Variants in EYS observed in about 807,000 individuals in gnomAD.
EYS encodes protein eyes shut homolog.
EYS carries 250 observed loss-of-function variants against 282.1 expected under a neutral mutation model. That is an observed-to-expected ratio of 0.89 (90% CI 0.80 to 0.98). The LOEUF is 0.98. Among genes scored for constraint, EYS ranks in the 50% least tolerant of loss-of-function variants. The pLI, the probability that EYS is intolerant of heterozygous loss-of-function variation, is 0.00. For synonymous variants in EYS, 1,355 were observed against 1,282.9 expected (o/e 1.06, Z -1.20); for missense variants, 4,016 against 3,709.0 (o/e 1.08, Z -2.15).
chr6:65,286,698 T>A (rs1768377012), intron 12 of EYS, among the ~76,000 whole-genome samples: 1 of 151,590 alleles, frequency 6.6e-6, no homozygotes, highest in Non-Finnish European at 1.5e-5. Context: ...AAACAAGCTA[T>A]CAAAATAAAG....
chr6:65,111,949 T>C (rs1271243101), intron 12 of EYS, among the ~76,000 whole-genome samples: 1 of 152,146 alleles, frequency 6.6e-6, no homozygotes, highest in Non-Finnish European at 1.5e-5. Context: ...AAAACCTTAC[T>C]CACTTTCAAC....
chr6:65,573,109 T>A (rs1226054356), intron 2 of EYS, among the ~76,000 whole-genome samples: 1 of 152,114 alleles, frequency 6.6e-6, no homozygotes, highest in East Asian at 1.9e-4. Context: ...GGGAGTGATG[T>A]CACAAAGATT....
At position 64,975,220 on chromosome 6, in the gene EYS, A is replaced by G. The variant is rs185295154; in HGVS notation, c.2259+22362T>C. Among the ~76,000 whole-genome samples the G allele has an allele frequency of 1.4e-4, 22 of 151,970 alleles. No homozygotes were observed. The East Asian group carries it at 4.1e-3, about 28-fold the overall frequency. On this transcript the variant is annotated intron_variant, in intron 14 of 42. Coordinates refer to ENST00000503581, the MANE Select transcript of EYS (RefSeq NM_001142800.2). ...TAGAAACTGCACCACTTATTGAATA[A>G]GATATAAAAACGATAATTTTGTTTT...
intron 5 of EYS, among the ~76,000 whole-genome samples, chr6:65,445,590 C>T (rs1000162863): frequency 6.6e-6 from 1 of 151,538 alleles, no homozygotes; most frequent in Admixed American, 6.6e-5. Flanking sequence ...AAAAAATTTA[C>T]CTGACAGCCA....
intron 2 of EYS, among the ~76,000 whole-genome samples, chr6:65,624,336 C>T (rs1397128418): frequency 2.0e-5 from 3 of 152,110 alleles, no homozygotes; most frequent in Admixed American, 1.3e-4. Context: ...AATATGTCAG[C>T]TTACATGCTA....
intron 30 of EYS, among the ~76,000 whole-genome samples, chr6:64,293,823 C>A (rs1249842155): frequency 6.6e-6 from 1 of 152,028 alleles, no homozygotes; most frequent in African/African-American, 2.4e-5. Context: ...TCTAATAAGG[C>A]TATTCAGAGA....
chr6:63,817,733 C>T (rs986165276), intron 36 of EYS, among the ~76,000 whole-genome samples: 1 of 152,200 alleles, frequency 6.6e-6, no homozygotes, highest in Non-Finnish European at 1.5e-5. Context: ...TTTGGATGCT[C>T]TCTCCTTTCA....
intron 29 of EYS, among the ~76,000 whole-genome samples, chr6:64,326,273 C>T (rs1770419227): frequency 6.6e-6 from 1 of 152,094 alleles, no homozygotes; most frequent in South Asian, 2.1e-4. Flanking sequence ...CTCATCTATA[C>T]TCCTCAACTC....
intron 22 of EYS, among the ~76,000 whole-genome samples, chr6:64,644,219 T>A (rs1264552683): frequency 6.6e-6 from 1 of 152,108 alleles, no homozygotes; most frequent in Non-Finnish European, 1.5e-5. Flanking sequence ...TCTGGACGAG[T>A]CATTCCTGGA....
intron 33 of EYS, among the ~76,000 whole-genome samples, chr6:64,008,842 C>T (rs1378214077): frequency 6.6e-6 from 1 of 152,190 alleles, no homozygotes; most frequent in Admixed American, 6.5e-5. Context: ...TGCTGTTAGC[C>T]TGATGGGGTT....
intron 2 of EYS, among the ~76,000 whole-genome samples, chr6:65,585,794 A>G (rs1261602279): frequency 6.6e-6 from 1 of 151,886 alleles, no homozygotes; most frequent in Non-Finnish European, 1.5e-5. Context: ...ACTATATGAG[A>G]GTCTTACAGT....
intron 22 of EYS, among the ~76,000 whole-genome samples, chr6:64,662,929 T>C (rs1283239010): frequency 6.6e-6 from 1 of 152,184 alleles, no homozygotes; most frequent in Admixed American, 6.5e-5. Flanking sequence ...AGACCTTTTC[T>C]GAAAGGAACC....
chr6:65,591,564 ATCTCTGACTCACT>A (rs1765234751), intron 2 of EYS, among the ~76,000 whole-genome samples: 1 of 151,792 alleles, frequency 6.6e-6, no homozygotes, highest in South Asian at 2.1e-4. Context: ...TTTAGACTAA[ATCTCTGACTCACT>A]TTTTGAAGCT....
At chr6:64,256,156 T>A (rs2057165) in intron 30 of EYS, among the ~76,000 whole-genome samples, 104,399 of 151,784 alleles carry the variant, frequency 0.69, 35,924 homozygotes, top group South Asian at 0.71. Flanking sequence ...AGAATTTAAA[T>A]TGAGTATCTG....
intron 15 of EYS, among the ~76,000 whole-genome samples, chr6:64,921,958 A>G (rs1436097601): frequency 6.6e-6 from 1 of 151,988 alleles, no homozygotes; most frequent in Non-Finnish European, 1.5e-5. Context: ...ATTTTAAAAA[A>G]CAAGAACAAA....
At chr6:64,632,658 T>C (rs1767826150) in intron 22 of EYS, among the ~76,000 whole-genome samples, 1 of 152,222 alleles carries the variant, frequency 6.6e-6, no homozygotes, top group African/African-American at 2.4e-5. Flanking sequence ...ATTTGACATA[T>C]TTTCTTTTTT....
At position 63,745,411 on chromosome 6, in the gene EYS, G is replaced by T. The variant is rs12174406; in HGVS notation, c.8071+17050C>A. On this transcript the variant is annotated intron_variant, in intron 41 of 42. Coordinates refer to ENST00000503581, the MANE Select transcript of EYS (RefSeq NM_001142800.2). ...AGCTGAAAGAGGAAAAGAAGAAACT[G>T]CCTCTAGAGGCTTCAAACGAACATG... Among the ~76,000 whole-genome samples the T allele has an allele frequency of 5.4e-3, 818 of 152,324 alleles. 33 individuals are homozygous for T. In the East Asian group the frequency reaches 0.12, roughly 21 times the overall value.
At chr6:64,826,974 A>G (rs1276725511) in intron 19 of EYS, among the ~76,000 whole-genome samples, 1 of 151,660 alleles carries the variant, frequency 6.6e-6, no homozygotes, top group Non-Finnish European at 1.5e-5. Flanking sequence ...CGCTGCTCTG[A>G]TATTATCAAA....
intron 41 of EYS, among the ~76,000 whole-genome samples, chr6:63,762,010 C>G (rs1562014017): frequency 6.6e-6 from 1 of 152,048 alleles, no homozygotes; most frequent in Non-Finnish European, 1.5e-5. Flanking sequence ...ACTGTTGCTT[C>G]TTACTGTTAC....
Sources: allele counts gnomAD v4.1 joint callset (sites outside exome capture counted in the v4.1 genomes callset), GRCh38; gene constraint gnomAD v4.1.1; transcripts MANE v1.5; gene names NCBI Gene and HGNC (gene_info 2026-07-23, HGNC 2026-07-21).